Variants in CACFD1 observed in about 807,000 individuals in gnomAD.
The protein encoded by CACFD1 is calcium channel flower domain containing 1.
CACFD1 carries 26 observed loss-of-function variants against 21.3 expected under a neutral mutation model. The ratio of observed to expected loss-of-function variants is 1.22; its 90% confidence interval spans 0.89 to 1.69. The LOEUF (loss-of-function observed/expected upper bound fraction) is 1.69. Among genes scored for constraint, CACFD1 ranks in the 40% most tolerant of loss-of-function variants. CACFD1 has a pLI of 0.00. For synonymous variants in CACFD1, 121 were observed against 106.6 expected (o/e 1.13, Z -0.83); for missense variants, 265 against 236.2 (o/e 1.12, Z -0.80).
intron 1 of CACFD1, among the ~76,000 whole-genome samples, chr9:133,461,315 G>A (rs1843206007): frequency 6.6e-6 from 1 of 152,230 alleles, no homozygotes; most frequent in Non-Finnish European, 1.5e-5. Flanking sequence ...GCCCTCGCTA[G>A]GCATGCCCTT....
Position 133,460,050 on chromosome 9 carries a change from C to T in CACFD1, c.-17C>T, listed in dbSNP as rs1554797863. On this transcript the variant is annotated 5_prime_UTR_variant, in exon 1 of 5. Coordinates refer to ENST00000316948, the MANE Select transcript of CACFD1 (RefSeq NM_017586.5). ...AGCCCTTTGTGAGGGCTGTGAGCTGCGCCTGACGGTGGCACCATGAGCAGC... is the reference window on the plus strand; with the variant it reads ...AGCCCTTTGTGAGGGCTGTGAGCTGTGCCTGACGGTGGCACCATGAGCAGC... 2.6e-6 allele frequency: 4 copies of T among 1,549,118 alleles called. No homozygotes were observed. Among genetic ancestry groups the T allele is most frequent in the East Asian group, 2.5e-5 (1 of 40,400 alleles).
intron 4 of CACFD1, 45 bp downstream of exon 4, chr9:133,468,073 C>A: frequency 6.6e-7 from 1 of 1,505,604 alleles, no homozygotes; most frequent in Non-Finnish European, 9.2e-7. Flanking sequence ...TTCCTCCCTC[C>A]GCCCCCCGAA....
rs1554799372 is a variant in CACFD1 at position 133,465,469 on chromosome 9, T to TC, written c.320+25dup. On this transcript the variant is annotated intron_variant, in intron 3 of 4. Transcript: ENST00000316948. This position sits in a 1 kb window ranked among gnomAD's most constrained non-coding sequence, Gnocchi z 5.0. The stretch of plus-strand genomic sequence containing the variant: ...GCGGGTGAGGGGTTGCTGGGCAGGG[T>TC]CCCGTGACACAGTTCCCCAAAACCC... The TC allele has an allele frequency of 2.5e-6, 4 of 1,591,484 alleles. No individual in the cohort carries two copies. The South Asian group carries it at 3.4e-5, about 14-fold the overall frequency.
chr9:133,467,939 C>T lies in CACFD1; in HGVS notation c.339C>T (p.Ile113=), dbSNP rs148065605. 2.5e-5 allele frequency: 41 copies of T among 1,613,178 alleles called. No individual in the cohort carries two copies. Among genetic ancestry groups the T allele is most frequent in the Non-Finnish European group, 3.2e-5 (38 of 1,179,884 alleles). ...CCCCCAGGATGGCGGTCGTTCCCAT[C>T]GTCATCAGCCTGACCCTGACCACGC... ...VFYCGMAVVP[I]VISLTLTTLL... Residue 113 remains isoleucine, a synonymous_variant, in exon 4 of 5, where the codon ATC becomes ATT. Coordinates refer to ENST00000316948, the MANE Select transcript of CACFD1 (RefSeq NM_017586.5).
Position 133,460,041 on chromosome 9 carries a change from T to A in CACFD1, c.-26T>A, listed in dbSNP as rs1026449104. ...CGGCTACCGAGCCCTTTGTGAGGGCTGTGAGCTGCGCCTGACGGTGGCACC... is the reference window on the plus strand; with the variant it reads ...CGGCTACCGAGCCCTTTGTGAGGGCAGTGAGCTGCGCCTGACGGTGGCACC... On this transcript the variant is annotated 5_prime_UTR_variant, in exon 1 of 5. Coordinates refer to ENST00000316948, the MANE Select transcript of CACFD1 (RefSeq NM_017586.5). 5 of 1,538,900 alleles carry A rather than the reference T, an allele frequency of 3.2e-6. No homozygotes were observed. Among genetic ancestry groups the A allele is most frequent in the Non-Finnish European group, 4.4e-6 (5 of 1,143,872 alleles).
At chr9:133,460,241 C>A in intron 1 of CACFD1, 54 bp downstream of exon 1, 1 of 1,416,968 alleles carries the variant, frequency 7.1e-7, no homozygotes, top group Non-Finnish European at 9.2e-7. Flanking sequence ...CGCTCCTCGC[C>A]CTGCCCTGCC....
intron 1 of CACFD1, 67 bp from the exon 2 acceptor site, chr9:133,463,415 CA>C (rs1375579022): frequency 1.6e-5 from 25 of 1,610,328 alleles, no homozygotes; most frequent in Non-Finnish European, 2.1e-5. Flanking sequence ...AGTCATCTCC[CA>C]AGGCCGCCTT....
chr9:133,460,623 G>A (rs1035517738), intron 1 of CACFD1, among the ~76,000 whole-genome samples: 8 of 152,216 alleles, frequency 5.3e-5, no homozygotes, highest in African/African-American at 1.9e-4. Flanking sequence ...TTGGGCGTAG[G>A]TGACGGCAGC....
chr9:133,463,708 G>C (rs1843315700), intron 2 of CACFD1, among the ~76,000 whole-genome samples, 153 bp downstream of exon 2: 1 of 152,232 alleles, frequency 6.6e-6, no homozygotes. Flanking sequence ...TCGGGCATGT[G>C]AGTTTCTGGC....
At chr9:133,467,344 C>T (rs892744358) in intron 3 of CACFD1, among the ~76,000 whole-genome samples, 28 of 152,200 alleles carry the variant, frequency 1.8e-4, no homozygotes, top group African/African-American at 6.8e-4. Context: ...AGGTCTGGGC[C>T]GACCCCGCAG....
chr9:133,465,337 CTTG>C lies in CACFD1; in HGVS notation c.214_216del (p.Leu73del). 1 of 1,614,088 alleles carries C rather than the reference CTTG, an allele frequency of 6.2e-7. No homozygotes were observed. Among genetic ancestry groups the C allele is most frequent in the Non-Finnish European group, 8.5e-7 (1 of 1,179,996 alleles). ...GTCCCTGCAGCATGAATGCCTTCATCTTGTTGCTGTGTGAGGCGCCCTTCTGCT... is the reference window on the plus strand; with the variant it reads ...GTCCCTGCAGCATGAATGCCTTCATCTTGCTGTGTGAGGCGCCCTTCTGCT... On this transcript the variant is annotated inframe_deletion, in exon 3 of 5. Coordinates refer to ENST00000316948, the MANE Select transcript of CACFD1 (RefSeq NM_017586.5). This position sits in a 1 kb window ranked among gnomAD's most constrained non-coding sequence, Gnocchi z 5.0.
At chr9:133,463,130 A>T (rs974626569) in intron 1 of CACFD1, among the ~76,000 whole-genome samples, 2 of 152,212 alleles carry the variant, frequency 1.3e-5, no homozygotes, top group African/African-American at 4.8e-5. Flanking sequence ...TCCTTGAGGG[A>T]CATTCACTCT....
chr9:133,468,205 C>G lies in CACFD1; in HGVS notation c.428+177C>G, dbSNP rs1035307407. 6.7e-6 allele frequency: 8 copies of G among 1,194,670 alleles called. No homozygotes were observed. The Admixed American group carries it at 7.4e-5, about 11-fold the overall frequency. 74.0% of individuals were successfully genotyped at this position (1,194,670 alleles called of 1,614,324 possible). On this transcript the variant is annotated intron_variant, in intron 4 of 4. Coordinates refer to ENST00000316948, the MANE Select transcript of CACFD1 (RefSeq NM_017586.5). ...CGAGTGGGTGAAGACAGAGGACTTACAACACTTCTGCGTGGCCCAGTCTTG... is the reference window on the plus strand; with the variant it reads ...CGAGTGGGTGAAGACAGAGGACTTAGAACACTTCTGCGTGGCCCAGTCTTG...
intron 3 of CACFD1, 127 bp from the exon 4 acceptor site, chr9:133,467,794 T>G: frequency 1.5e-6 from 1 of 659,682 alleles, no homozygotes; most frequent in Non-Finnish European, 2.7e-6. Flanking sequence ...TGTGTCTCAG[T>G]TGATTTTTGG....
rs1554797817 is a variant in CACFD1, at chr9:133,460,010, C to G, written c.-57C>G. The G allele has an allele frequency of 6.8e-7, 1 of 1,471,290 alleles. No homozygotes were observed. Among genetic ancestry groups the G allele is most frequent in the Non-Finnish European group, 9.0e-7 (1 of 1,112,650 alleles). 91.1% of individuals were successfully genotyped at this position (1,471,290 alleles called of 1,614,324 possible). A position where few individuals can be genotyped will look rare whatever the true frequency, so the allele number is the denominator to read the frequency against. On this transcript the variant is annotated 5_prime_UTR_variant, in exon 1 of 5. Coordinates refer to ENST00000316948, the MANE Select transcript of CACFD1 (RefSeq NM_017586.5). ...CCACAAGGCAGCGCGCCGGCTCGGA[C>G]GCGGCCGGCTACCGAGCCCTTTGTG... is the stretch of plus-strand genomic sequence containing the variant.
chr9:133,468,513 G>C (rs587703032), intron 4 of CACFD1, 50 bp from the exon 5 acceptor site: 11 of 1,550,896 alleles, frequency 7.1e-6, no homozygotes, highest in Non-Finnish European at 9.6e-6. Context: ...CAGGAGGGCT[G>C]TGGGCATGGG....
chr9:133,470,771 C>T lies in CACFD1; in HGVS notation c.*2118C>T, dbSNP rs1843675560. On this transcript the variant is annotated 3_prime_UTR_variant, in exon 5 of 5. Coordinates refer to ENST00000316948, the MANE Select transcript of CACFD1 (RefSeq NM_017586.5). ...GCGTGGCCGTGGCTCGCGTGCCTGC[C>T]CTCTGCTCCCTTCTGCCTTGGTGCC... 6.6e-6 allele frequency: 1 copy of T among 152,604 alleles called. No homozygotes were observed. Among genetic ancestry groups the T allele is most frequent in the Non-Finnish European group, 1.5e-5 (1 of 68,344 alleles). 9.5% of individuals were successfully genotyped at this position (152,604 alleles called of 1,614,324 possible). A position where few individuals can be genotyped will look rare whatever the true frequency, so the allele number is the denominator to read the frequency against.
chr9:133,465,188 C>T lies in CACFD1; in HGVS notation c.195-134C>T, dbSNP rs587685630. 47 of 1,013,716 alleles carry T rather than the reference C, an allele frequency of 4.6e-5. No individual in the cohort carries two copies. Among genetic ancestry groups the T allele is most frequent in the Admixed American group, 4.0e-4 (22 of 55,592 alleles). The allele number at this position is 1,013,716 out of a possible 1,614,324, so 62.8% of individuals were successfully genotyped here. A position where few individuals can be genotyped will look rare whatever the true frequency, so the allele number is the denominator to read the frequency against. The stretch of plus-strand genomic sequence containing the variant: ...GAGCAGGTGCCCTGGAGCAGCCGGG[C>T]GGCTTCCCAGAGGAGGAGGGATGAG... On this transcript the variant is annotated intron_variant, in intron 2 of 4. Transcript: ENST00000316948. The surrounding 1 kb of genome is among the most constrained non-coding windows in gnomAD (Gnocchi z 5.0).
At chr9:133,468,108 A>G (rs1554799955) in intron 4 of CACFD1, 80 bp downstream of exon 4, 2 of 1,260,042 alleles carry the variant, frequency 1.6e-6, no homozygotes, top group Non-Finnish European at 2.3e-6. Context: ...AGGATCTGAG[A>G]GTGGCCCCTT....
Sources: gnomAD v4.1 joint callset for allele counts (sites outside exome capture counted in the v4.1 genomes callset) on GRCh38, gnomAD v4.1.1 for gene constraint, Gnocchi (gnomAD v3.1) non-coding constraint, MANE v1.5 for transcripts, NCBI Gene and HGNC (gene_info 2026-07-23, HGNC 2026-07-21) for gene names.